Variants in FRMD3 observed in about 807,000 individuals in gnomAD.
FRMD3 encodes FERM domain containing 3, also known as FERM domain-containing protein 3.
A neutral mutation model predicts 70.2 loss-of-function variants in FRMD3; 33 were observed. That is an observed-to-expected ratio of 0.47 (90% CI 0.36 to 0.63). The LOEUF (loss-of-function observed/expected upper bound fraction) is 0.63, where lower values mean the gene tolerates loss of function less well. Among genes scored for constraint, FRMD3 ranks in the 20% least tolerant of loss-of-function variants. FRMD3 has a pLI of 0.00. For synonymous variants in FRMD3, 279 were observed against 255.9 expected, an observed-to-expected ratio of 1.09 and a Z score of -0.86; for missense variants, 632 against 711.4, an observed-to-expected ratio of 0.89 and a Z score of 1.27.
chr9:83,267,049 C>G, intron 13 of FRMD3: 1 of 1,550,976 alleles, frequency 6.4e-7, no homozygotes, highest in South Asian at 1.2e-5. Flanking sequence ...CGAGTCTCAG[C>G]AGACGAACAA....
intron 6 of FRMD3, among the ~76,000 whole-genome samples, chr9:83,330,871 G>T (rs544489710): frequency 6.6e-6 from 1 of 152,232 alleles, no homozygotes; most frequent in South Asian, 2.1e-4. Flanking sequence ...ATATTAAAAG[G>T]CCCAAAGATG....
At chr9:83,381,544 CA>C (rs149090745) in intron 2 of FRMD3, among the ~76,000 whole-genome samples, 18 of 144,450 alleles carry the variant, frequency 1.2e-4, no homozygotes, top group East Asian at 4.1e-4. Flanking sequence ...TGGCAGAGTG[CA>C]AAAAAAAAAG....
intron 13 of FRMD3, among the ~76,000 whole-genome samples, chr9:83,285,252 G>A (rs574379566): frequency 2.2e-4 from 33 of 152,060 alleles, no homozygotes; most frequent in Non-Finnish European, 2.9e-4. Flanking sequence ...ACAAACACGC[G>A]CAAACACATA....
chr9:83,343,039 G>A, intron 5 of FRMD3, 151 bp downstream of exon 5: 1 of 651,468 alleles, frequency 1.5e-6, no homozygotes, highest in Non-Finnish European at 2.8e-6. Flanking sequence ...AAGGGAAGGT[G>A]AGTTGGGGTT....
At chr9:83,557,981 T>C in the FRMD3 span, among the ~76,000 whole-genome samples, 1 of 152,200 alleles carries the variant, frequency 6.6e-6, no homozygotes, top group Non-Finnish European at 1.5e-5. Context: ...TCTAACAAAA[T>C]ACAAGCTCTT....
chr9:83,403,899 G>A (rs1826024290), intron 1 of FRMD3, among the ~76,000 whole-genome samples: 1 of 151,798 alleles, frequency 6.6e-6, no homozygotes, highest in Non-Finnish European at 1.5e-5. Context: ...CTTACTTCCA[G>A]CCCAGCATGG....
Position 83,473,749 on chromosome 9 carries a change from C to T in FRMD3, c.147+64336G>A, listed in dbSNP as rs148964905. On this transcript the variant is annotated intron_variant, in intron 1 of 13. Transcript: ENST00000304195. ...CCATGAAGGAAAGCATTTATGCCAACGTCCACTTTCCAAAGACATGGGTCT... is the reference window on the plus strand; with the variant it reads ...CCATGAAGGAAAGCATTTATGCCAATGTCCACTTTCCAAAGACATGGGTCT... Among the ~76,000 whole-genome samples the T allele has an allele frequency of 4.1e-3, 625 of 152,310 alleles. 6 individuals carry two copies. Among genetic ancestry groups the T allele is most frequent in the Middle Eastern group, 0.027 (8 of 294 alleles).
intron 2 of FRMD3, among the ~76,000 whole-genome samples, chr9:83,374,488 G>A (rs754867996): frequency 1.3e-5 from 2 of 152,116 alleles, no homozygotes; most frequent in East Asian, 1.9e-4. Flanking sequence ...GAGGACCCTC[G>A]TTATTGCCTT....
At chr9:83,341,834 G>A (rs895317388) in intron 5 of FRMD3, among the ~76,000 whole-genome samples, 1 of 152,114 alleles carries the variant, frequency 6.6e-6, no homozygotes, top group African/African-American at 2.4e-5. Flanking sequence ...AAACACAACT[G>A]AGAACAGGAT....
rs551475637 is a variant in FRMD3, at chr9:83,438,070, A to G, written c.148-48362T>C. On this transcript the variant is annotated intron_variant, in intron 1 of 13. Transcript: ENST00000304195. The stretch of plus-strand genomic sequence containing the variant: ...GACTCCCAGGGAGGCTGGAAGTGCC[A>G]GTAAAAGGCTAAAAATTTCTGCTAA... Among the ~76,000 whole-genome samples, 292 of 152,334 alleles carry G rather than the reference A, an allele frequency of 1.9e-3. 4 individuals carry two copies. Among genetic ancestry groups the G allele is most frequent in the Middle Eastern group, 3.4e-3 (1 of 294 alleles).
chr9:83,305,997 C>T (rs1292751756), intron 10 of FRMD3, among the ~76,000 whole-genome samples: 1 of 152,176 alleles, frequency 6.6e-6, no homozygotes, highest in Admixed American at 6.5e-5. Context: ...AATCTGCTTA[C>T]CCAAAATGTG....
chr9:83,560,044 G>A, the FRMD3 span, among the ~76,000 whole-genome samples: 36 of 152,106 alleles, frequency 2.4e-4, no homozygotes, highest in Non-Finnish European at 5.1e-4. Context: ...AAATGAAAAG[G>A]TTGGATGTGG....
intron 13 of FRMD3, among the ~76,000 whole-genome samples, chr9:83,277,191 T>A (rs1052784708): frequency 6.6e-6 from 1 of 152,222 alleles, no homozygotes; most frequent in African/African-American, 2.4e-5. Context: ...ATGGGAAATA[T>A]TCATGTGAAA....
chr9:83,337,063 A>G (rs367944724), intron 5 of FRMD3, among the ~76,000 whole-genome samples: 100 of 152,208 alleles, frequency 6.6e-4, no homozygotes, highest in African/African-American at 2.4e-3. Context: ...TCTCCACCCA[A>G]AAGTGAACAT....
chr9:83,518,100 T>A (rs992658638), intron 1 of FRMD3, among the ~76,000 whole-genome samples: 3 of 152,180 alleles, frequency 2.0e-5, no homozygotes, highest in African/African-American at 7.2e-5. Context: ...ATGCCCTCTT[T>A]CACCACTCCT....
At chr9:83,298,680 A>T (rs1834774341) in intron 12 of FRMD3, 68 bp downstream of exon 12, 1 of 1,142,580 alleles carries the variant, frequency 8.8e-7, no homozygotes, top group Non-Finnish European at 1.3e-6. Context: ...ACACAAAGGG[A>T]TGTTATAGGG....
At chr9:83,584,076 CTGT>C in the FRMD3 span, among the ~76,000 whole-genome samples, 1 of 152,164 alleles carries the variant, frequency 6.6e-6, no homozygotes. Flanking sequence ...TGGCTCATGC[CTGT>C]AATCCCAGCA....
rs369385331 is a variant in FRMD3 at position 83,308,506 on chromosome 9, G to A, written c.926+1030C>T. ...GACAGAATCTCACTGTAAGGGGCAGGGGGACTGATCAAAAGCCACCTGGAT... is the reference window on the plus strand; with the variant it reads ...GACAGAATCTCACTGTAAGGGGCAGAGGGACTGATCAAAAGCCACCTGGAT... On this transcript the variant is annotated intron_variant, in intron 10 of 13. Transcript: ENST00000304195. 3.7e-4 allele frequency among the ~76,000 whole-genome samples: 57 copies of A among 152,266 alleles called. No homozygotes were observed. The South Asian group carries it at 0.011, about 30-fold the overall frequency.
At chr9:83,335,823 G>A (rs140622094) in intron 5 of FRMD3, among the ~76,000 whole-genome samples, 184 bp from the exon 6 acceptor site, 18 of 152,310 alleles carry the variant, frequency 1.2e-4, no homozygotes, top group Non-Finnish European at 1.6e-4. Flanking sequence ...AGATCGAGCT[G>A]TGTGAGCTTG....
Sources: allele counts gnomAD v4.1 joint callset (sites outside exome capture counted in the v4.1 genomes callset), GRCh38; gene constraint gnomAD v4.1.1; transcripts MANE v1.5; gene names NCBI Gene and HGNC (gene_info 2026-07-23, HGNC 2026-07-21).